The following CRB1 variants were observed in gnomAD, a reference collection of about 807,000 sequenced individuals.
The protein encoded by CRB1 is protein crumbs homolog 1.
Under a neutral mutation model 120.0 loss-of-function variants are expected in CRB1, and 83 were observed. That is an observed-to-expected ratio of 0.69 (90% confidence interval 0.58 to 0.83). CRB1 has a LOEUF of 0.83. Ranked by LOEUF, CRB1 falls within the 40% of genes least tolerant of loss-of-function variation. The pLI is 0.00. For synonymous variants in CRB1, 625 were observed against 612.5 expected, an observed-to-expected ratio of 1.02 and a Z score of -0.30; for missense variants, 1,699 against 1,687.6, an observed-to-expected ratio of 1.01 and a Z score of -0.12.
chr1:197,419,083 G>A (rs905153689), intron 5 of CRB1, among the ~76,000 whole-genome samples: 3 of 152,112 alleles, frequency 2.0e-5, no homozygotes, highest in Non-Finnish European at 4.4e-5. Flanking sequence ...GTCTTAACTG[G>A]TTTAATCTTT....
At chr1:197,328,298 G>T in intron 1 of CRB1, 124 bp from the exon 2 acceptor site, 1 of 737,418 alleles carries the variant, frequency 1.4e-6, no homozygotes, top group Non-Finnish European at 2.3e-6. Flanking sequence ...TTTTTCATTA[G>T]GATGAACCCA....
At chr1:197,442,624 G>A (rs897725664) in intron 11 of CRB1, 3 of 1,088,122 alleles carry the variant, frequency 2.8e-6, no homozygotes, top group African/African-American at 1.6e-5. Context: ...TGAAAAAAGT[G>A]TTCTTAATAT....
At chr1:197,379,052 CA>C (rs1214969957) in intron 5 of CRB1, among the ~76,000 whole-genome samples, 1 of 151,848 alleles carries the variant, frequency 6.6e-6, no homozygotes, top group Non-Finnish European at 1.5e-5. Flanking sequence ...GGCATCCTTG[CA>C]AAGAAAAAAG....
At chr1:197,226,397 T>C in the CRB1 span, among the ~76,000 whole-genome samples, 2 of 152,240 alleles carry the variant, frequency 1.3e-5, no homozygotes, top group African/African-American at 2.4e-5. Context: ...GTAGTAGTGA[T>C]TAGTGATTGA....
At chr1:197,217,152 A>G in the CRB1 span, among the ~76,000 whole-genome samples, 3 of 152,216 alleles carry the variant, frequency 2.0e-5, no homozygotes, top group Admixed American at 6.5e-5. Flanking sequence ...GTTAGTACTT[A>G]TGGATGGAAA....
At chr1:197,390,134 C>A (rs915357747) in intron 5 of CRB1, among the ~76,000 whole-genome samples, 5 of 138,084 alleles carry the variant, frequency 3.6e-5, no homozygotes, top group Middle Eastern at 3.8e-3. Context: ...GCTTCTGCTT[C>A]CTGAAAGAAG....
intron 8 of CRB1, among the ~76,000 whole-genome samples, chr1:197,430,369 C>T (rs1241466511): frequency 6.6e-6 from 1 of 152,170 alleles, no homozygotes. Flanking sequence ...GCTCCTAAAA[C>T]TTTTCTCTCA....
chr1:197,316,785 TAA>T (rs1052455668), intron 1 of CRB1, among the ~76,000 whole-genome samples: 16 of 151,808 alleles, frequency 1.1e-4, no homozygotes, highest in African/African-American at 3.9e-4. Context: ...CCATTAAAAT[TAA>T]TAAACAAGTT....
chr1:197,258,386 G>A, the CRB1 span, among the ~76,000 whole-genome samples: 1 of 151,950 alleles, frequency 6.6e-6, no homozygotes, highest in South Asian at 2.1e-4. Flanking sequence ...CCATCTTTTG[G>A]AAAGTGTACT....
At chr1:197,363,967 C>G (rs1037602056) in intron 5 of CRB1, 2 of 1,349,800 alleles carry the variant, frequency 1.5e-6, no homozygotes, top group Admixed American at 1.7e-5. Context: ...GCCATGCGGC[C>G]GGCGACAGAG....
intron 5 of CRB1, among the ~76,000 whole-genome samples, chr1:197,365,790 C>G (rs920177769): frequency 6.6e-6 from 1 of 152,020 alleles, no homozygotes; most frequent in East Asian, 1.9e-4. Context: ...TCAGCAAACA[C>G]CAGGACGGAG....
chr1:197,240,251 G>A, the CRB1 span, among the ~76,000 whole-genome samples: 2 of 152,002 alleles, frequency 1.3e-5, no homozygotes, highest in Non-Finnish European at 2.9e-5. Flanking sequence ...TAAGTTGTGG[G>A]ATACATGTGC....
upstream of CRB1, among the ~76,000 whole-genome samples, chr1:197,266,496 A>C (rs1441663571): frequency 6.6e-6 from 1 of 152,114 alleles, no homozygotes; most frequent in African/African-American, 2.4e-5. Flanking sequence ...GGAAGGGGGG[A>C]AAACATTCAG....
chr1:197,442,298 C>T lies in CRB1; in HGVS notation c.4005+6C>T, dbSNP rs747489091. 6.2e-7 allele frequency: 1 copy of T among 1,614,186 alleles called. No individual in the cohort carries two copies. On this transcript the variant is annotated splice_donor_region_variant and intron_variant, in intron 11 of 11. Coordinates refer to ENST00000367400, the MANE Select transcript of CRB1 (RefSeq NM_201253.3). Reference sequence around the variant, plus strand: ...GCGAGCGCTGCGAGGTGGACGTAAGCAGCCTCTCCTTTTATGTCTCTCTCT... The same window carrying T: ...GCGAGCGCTGCGAGGTGGACGTAAGTAGCCTCTCCTTTTATGTCTCTCTCT...
At chr1:197,340,676 TAAG>T (rs1659400844) in intron 2 of CRB1, among the ~76,000 whole-genome samples, 1 of 151,898 alleles carries the variant, frequency 6.6e-6, no homozygotes, top group African/African-American at 2.4e-5. Context: ...TAGTGGCAAA[TAAG>T]ATGATAACTC....
chr1:197,273,576 G>A (rs888942321), intron 1 of CRB1, among the ~76,000 whole-genome samples: 1 of 151,922 alleles, frequency 6.6e-6, no homozygotes, highest in East Asian at 1.9e-4. Context: ...AGGAGATCTG[G>A]CTCTTCTCTT....
chr1:197,271,686 AG>A (rs1654918432), intron 1 of CRB1, among the ~76,000 whole-genome samples: 1 of 152,212 alleles, frequency 6.6e-6, no homozygotes, highest in Admixed American at 6.5e-5. Flanking sequence ...TCCATTATTC[AG>A]AGACTGTTTT....
chr1:197,365,506 G>A (rs1055260955), intron 5 of CRB1, among the ~76,000 whole-genome samples: 7 of 152,040 alleles, frequency 4.6e-5, no homozygotes, highest in African/African-American at 1.4e-4. Flanking sequence ...GGGGAGGGGG[G>A]GAGAAGGGAG....
At chr1:197,403,774 T>TTCTCTCTC (rs1316963397) in intron 5 of CRB1, among the ~76,000 whole-genome samples, 2 of 151,572 alleles carry the variant, frequency 1.3e-5, no homozygotes, top group African/African-American at 4.9e-5. Flanking sequence ...AGTTTTCTCT[T>TTCTCTCTC]TCTCTCTCTC....
Sources: allele counts gnomAD v4.1 joint callset (sites outside exome capture counted in the v4.1 genomes callset), GRCh38; gene constraint gnomAD v4.1.1; transcripts MANE v1.5; gene names NCBI Gene and HGNC (gene_info 2026-07-23, HGNC 2026-07-21).